PMPCA: variants seen among roughly 807,000 people sequenced by gnomAD.
PMPCA encodes the protein peptidase, mitochondrial processing subunit alpha.
PMPCA carries 47 observed loss-of-function variants against 59.3 expected under a neutral mutation model. The observed-to-expected ratio is 0.79, with a 90% CI of 0.63 to 1.01. The LOEUF is 1.01. PMPCA is among the 50% of genes least tolerant of loss of function. PMPCA has a pLI of 0.00. For missense variants in PMPCA, 726 were observed against 704.5 expected, an observed-to-expected ratio of 1.03 and a Z score of -0.34; for synonymous variants, 338 against 290.3, an observed-to-expected ratio of 1.16 and a Z score of -1.67.
chr9:136,415,867 A>C (rs550680229), intron 5 of PMPCA, among the ~76,000 whole-genome samples: 1 of 152,312 alleles, frequency 6.6e-6, no homozygotes, highest in Admixed American at 6.5e-5. Flanking sequence ...TCCTGACCTC[A>C]GGTGATCCAC....
chr9:136,410,816 C>T, intron 1 of PMPCA, 77 bp downstream of exon 1: 2 of 1,207,650 alleles, frequency 1.7e-6, no homozygotes, highest in Non-Finnish European at 2.1e-6. Context: ...TCTTCGGTTT[C>T]TACAGGTGAC....
At chr9:136,416,907 C>T in intron 6 of PMPCA, 44 bp from the exon 7 acceptor site, 3 of 1,561,286 alleles carry the variant, frequency 1.9e-6, no homozygotes, top group Non-Finnish European at 2.6e-6. Flanking sequence ...GAAGCCTGGT[C>T]ATGCTGTCTT....
At chr9:136,418,437 G>C in intron 8 of PMPCA, 118 bp from the exon 9 acceptor site, 1 of 714,792 alleles carries the variant, frequency 1.4e-6, no homozygotes, top group Non-Finnish European at 2.5e-6. Context: ...CTGGCGTCCA[G>C]CGGCGCTCCT....
intron 3 of PMPCA, 73 bp downstream of exon 3, chr9:136,412,642 G>C: frequency 2.4e-6 from 2 of 842,370 alleles, no homozygotes; most frequent in East Asian, 5.0e-5. Context: ...GTCTATAATG[G>C]TTATTTTAAT....
Position 136,418,862 on chromosome 9 carries a change from C to T in PMPCA, c.1144C>T (p.His382Tyr). The T allele has an allele frequency of 6.2e-7, 1 of 1,613,438 alleles. No homozygotes were observed. Among genetic ancestry groups the T allele is most frequent in the Non-Finnish European group, 8.5e-7 (1 of 1,179,920 alleles). Residue 382 changes from histidine to tyrosine, a missense_variant, in exon 10 of 13, where the codon CAC becomes TAC. His to Tyr is a moderately conservative substitution (Grantham distance 83, BLOSUM62 2). Coordinates refer to ENST00000371717, the MANE Select transcript of PMPCA (RefSeq NM_015160.3). ...HWMYNATSYH[H>Y]SYEDTGLLCI... is the part of the protein sequence containing the mutation. ...GATGTATAACGCGACCTCCTACCAC[C>T]ACAGCTACGAGGACACTGGCCTCCT...
chr9:136,422,952 G>A (rs1410437351), intron 12 of PMPCA, 143 bp from the exon 13 acceptor site: 2 of 1,444,052 alleles, frequency 1.4e-6, no homozygotes, highest in Non-Finnish European at 1.8e-6. Context: ...CCCAGTGGCT[G>A]CCTTTGGGCC....
chr9:136,412,314 A>G, intron 2 of PMPCA, 115 bp downstream of exon 2: 2 of 875,990 alleles, frequency 2.3e-6, no homozygotes, highest in South Asian at 2.8e-5. Flanking sequence ...AGTGGAAACA[A>G]AGTGTACGAT....
Position 136,412,803 on chromosome 9 carries a change from T to G in PMPCA, c.355-7T>G. 1 of 1,561,022 alleles carries G rather than the reference T, an allele frequency of 6.4e-7. No homozygotes were observed. The highest frequency in any genetic ancestry group is 1.1e-5 in the South Asian group (1 of 89,620). On this transcript the variant is annotated splice_region_variant and splice_polypyrimidine_tract_variant and intron_variant, in intron 3 of 12. Coordinates refer to ENST00000371717, the MANE Select transcript of PMPCA (RefSeq NM_015160.3). ...CTTATTTAGGTTTCCTTATTTATTT[T>G]TACTAGTCTACTGCTCGATTTGACA...
intron 8 of PMPCA, 123 bp from the exon 9 acceptor site, chr9:136,418,432 G>A (rs1032106834): frequency 2.1e-5 from 15 of 709,370 alleles, no homozygotes; most frequent in East Asian, 1.2e-4. Flanking sequence ...CGTCCCTGGC[G>A]TCCAGCGGCG....
chr9:136,414,680 G>A, intron 5 of PMPCA, 33 bp downstream of exon 5: 1 of 1,398,954 alleles, frequency 7.1e-7, no homozygotes, highest in South Asian at 1.2e-5. Context: ...TTTGAGGTGG[G>A]CTTGGACATA....
At chr9:136,416,911 C>G (rs765316147) in intron 6 of PMPCA, 40 bp from the exon 7 acceptor site, 12 of 1,567,066 alleles carry the variant, frequency 7.7e-6, no homozygotes, top group Non-Finnish European at 1.0e-5. Context: ...CCTGGTCATG[C>G]TGTCTTCAGT....
chr9:136,419,371 C>T (rs992896979), intron 11 of PMPCA: 2 of 562,076 alleles, frequency 3.6e-6, no homozygotes, highest in South Asian at 2.0e-5. Flanking sequence ...CGGTCCACTA[C>T]TTCTTTCTCT....
At chr9:136,413,014 C>A in intron 4 of PMPCA, 122 bp downstream of exon 4, 1 of 708,926 alleles carries the variant, frequency 1.4e-6, no homozygotes, top group Non-Finnish European at 2.5e-6. Flanking sequence ...GGAGAAGGAG[C>A]CCTGTCCTGG....
intron 2 of PMPCA, 113 bp from the exon 3 acceptor site, chr9:136,412,377 C>A: frequency 1.3e-6 from 1 of 749,244 alleles, no homozygotes; most frequent in Admixed American, 2.2e-5. Context: ...CACAATCACC[C>A]TCATGTAATT....
rs759718636 is a variant in PMPCA at position 136,418,689 on chromosome 9, T to C, written c.1109+16T>C. 1.9e-6 allele frequency: 3 copies of C among 1,571,486 alleles called. No individual in the cohort carries two copies. Among genetic ancestry groups the C allele is most frequent in the Non-Finnish European group, 2.6e-6 (3 of 1,141,094 alleles). ...TGCTCAACAGGTGGGTTGCACTCTT[T>C]TCTGTATCCTCAGGCCACCAGGCCA... On this transcript the variant is annotated intron_variant, in intron 9 of 12. Transcript: ENST00000371717.
chr9:136,412,359 A>G, intron 2 of PMPCA, 131 bp from the exon 3 acceptor site: 1 of 757,936 alleles, frequency 1.3e-6, no homozygotes, highest in South Asian at 1.6e-5. Flanking sequence ...TACCTGTGAA[A>G]CCATCAGCAC....
At position 136,423,082 on chromosome 9, in the gene PMPCA, C is replaced by T; in HGVS notation, c.1409-13C>T. The stretch of plus-strand genomic sequence containing the variant: ...GGCGCGCTCGTGTGACACGCGTTTG[C>T]CCTCTGCACTAGGCAACGTGAAGCC... On this transcript the variant is annotated splice_polypyrimidine_tract_variant and intron_variant, in intron 12 of 12. Transcript: ENST00000371717. 1 of 1,607,656 alleles carries T rather than the reference C, an allele frequency of 6.2e-7. No homozygotes were observed.
intron 11 of PMPCA, 74 bp downstream of exon 11, chr9:136,419,180 C>A: frequency 7.6e-7 from 1 of 1,322,538 alleles, no homozygotes; most frequent in Non-Finnish European, 1.1e-6. Flanking sequence ...GTAGGAGTGG[C>A]CACCTGTGGG....
At chr9:136,413,907 T>A (rs2131584827) in intron 4 of PMPCA, among the ~76,000 whole-genome samples, 1 of 152,366 alleles carries the variant, frequency 6.6e-6, no homozygotes, top group East Asian at 1.9e-4. Flanking sequence ...CTCTTCTTCG[T>A]GGCTGTTGCG....
Sources: gnomAD v4.1 joint callset for allele counts (sites outside exome capture counted in the v4.1 genomes callset) on GRCh38, gnomAD v4.1.1 for gene constraint, MANE v1.5 for transcripts, NCBI Gene and HGNC (gene_info 2026-07-23, HGNC 2026-07-21) for gene names.